The following TTI1 variants were observed in gnomAD, a reference collection of about 807,000 sequenced individuals.
The protein encoded by TTI1 is TELO2 interacting protein 1, also known as TELO2-interacting protein 1 homolog.
A neutral mutation model predicts 85.4 loss-of-function variants in TTI1; 52 were observed. The ratio of observed to expected loss-of-function variants is 0.61; its 90% confidence interval spans 0.49 to 0.77. The LOEUF (loss-of-function observed/expected upper bound fraction) is 0.77. Among genes scored for constraint, TTI1 ranks in the 30% least tolerant of loss-of-function variants. TTI1 has a pLI of 0.00. For synonymous variants in TTI1, 512 were observed against 503.9 expected (o/e 1.02, Z -0.22); for missense variants, 1,173 against 1,296.0 (o/e 0.91, Z 1.46).
chr20:38,012,294 A>G lies in TTI1; in HGVS notation c.1523T>C (p.Phe508Ser), dbSNP rs1382759317. ...CACAGATTGATGGTAAAGTTCCATAAAGTGATCCACAAGCAAATAAAGATT... is the reference window on the plus strand; with the variant it reads ...CACAGATTGATGGTAAAGTTCCATAGAGTGATCCACAAGCAAATAAAGATT... ...YGNLYLLVDH[F>S]MELYHQSVVY... Residue 508 changes from phenylalanine (F) to serine (S), a missense_variant, in exon 2 of 8, where the codon TTT (phenylalanine) becomes TCT (serine). Physicochemically the swap from Phe to Ser is radical, Grantham distance 155 (BLOSUM62 -2). Coordinates refer to ENST00000373447, the MANE Select transcript of TTI1 (RefSeq NM_001303457.2). 6.2e-7 allele frequency: 1 copy of G among 1,614,108 alleles called. No individual in the cohort carries two copies. The highest frequency in any genetic ancestry group is 8.5e-7 in the Non-Finnish European group (1 of 1,180,054).
Position 38,013,271 on chromosome 20 carries a change from G to A in TTI1, c.546C>T (p.Leu182=). The A allele has an allele frequency of 1.2e-6, 2 of 1,614,060 alleles. No homozygotes were observed. Among genetic ancestry groups the A allele is most frequent in the Non-Finnish European group, 1.7e-6 (2 of 1,180,040 alleles). Residue 182 remains leucine (L), a synonymous_variant, in exon 2 of 8, where the codon CTC becomes CTT. Coordinates refer to ENST00000373447, the MANE Select transcript of TTI1 (RefSeq NM_001303457.2). ...GATGGTCCTGACAATCACACTGCAA[G>A]AGTAGAACCTGTAAACATTTTAAGG... ...IAALKCLQVL[L]LQCDCQDHPR...
chr20:38,016,519 G>A (rs1388232212), intron 1 of TTI1, among the ~76,000 whole-genome samples: 1 of 152,238 alleles, frequency 6.6e-6, no homozygotes, highest in Non-Finnish European at 1.5e-5. Flanking sequence ...TACACAGTAT[G>A]TCTAACATTG....
intron 1 of TTI1, among the ~76,000 whole-genome samples, chr20:38,024,645 C>T (rs559243317): frequency 2.0e-5 from 3 of 152,282 alleles, no homozygotes; most frequent in Admixed American, 2.0e-4. Flanking sequence ...ACGCTCTACT[C>T]CAGCCAAACA....
chr20:37,993,964 A>G (rs182353629), intron 7 of TTI1, among the ~76,000 whole-genome samples: 81 of 152,222 alleles, frequency 5.3e-4, no homozygotes, highest in Non-Finnish European at 8.4e-4. Flanking sequence ...GGCCTGGCCT[A>G]GTGGTTTGGA....
intron 3 of TTI1, chr20:38,005,699 T>C (rs1376104607): frequency 1.3e-5 from 2 of 152,830 alleles, no homozygotes; most frequent in Non-Finnish European, 2.9e-5. Context: ...ACAACCTTTT[T>C]GAAAGGCAAT....
chr20:38,008,053 C>G (rs527984894), intron 2 of TTI1, among the ~76,000 whole-genome samples: 1 of 152,200 alleles, frequency 6.6e-6, no homozygotes, highest in African/African-American at 2.4e-5. Flanking sequence ...CTCAATCTCA[C>G]GTTTAATGCA....
At chr20:37,990,556 A>G (rs1206474730) in intron 7 of TTI1, among the ~76,000 whole-genome samples, 4 of 152,242 alleles carry the variant, frequency 2.6e-5, no homozygotes, top group African/African-American at 9.6e-5. Flanking sequence ...AAGAGACCCA[A>G]TAAAAATCTT....
intron 7 of TTI1, among the ~76,000 whole-genome samples, chr20:37,986,570 T>C (rs922239128): frequency 3.3e-5 from 5 of 152,232 alleles, no homozygotes; most frequent in East Asian, 3.9e-4. Context: ...TGCACGTTCC[T>C]TCTCCCACCT....
At chr20:37,987,573 T>A in intron 7 of TTI1, 1 of 357,320 alleles carries the variant, frequency 2.8e-6, no homozygotes, top group Non-Finnish European at 5.5e-6. Context: ...GTCCCCAGAG[T>A]ATCGGGAGGC....
At chr20:37,993,536 C>T (rs951167397) in intron 7 of TTI1, among the ~76,000 whole-genome samples, 1 of 152,138 alleles carries the variant, frequency 6.6e-6, no homozygotes, top group Non-Finnish European at 1.5e-5. Flanking sequence ...TGCCTCCACC[C>T]CAACTCGATG....
At chr20:37,990,148 C>A (rs570268647) in intron 7 of TTI1, among the ~76,000 whole-genome samples, 25 of 152,316 alleles carry the variant, frequency 1.6e-4, no homozygotes, top group African/African-American at 5.3e-4. Flanking sequence ...TCTATATTAA[C>A]CTCAACTCGG....
In TTI1 at chr20:38,013,731, T is replaced by C. The variant is rs760457271; in HGVS notation, c.86A>G (p.Asn29Ser). ...VQLTKTQTVENVEHLQTRLQA... is the reference protein window; with the variant it reads ...VQLTKTQTVESVEHLQTRLQA... ...TAGTCGTGTCTGCAGATGCTCCACA[T>C]TCTCCACTGTCTGGGTCTTTGTGAG... Residue 29 changes from asparagine (N) to serine (S), a missense_variant, in exon 2 of 8, where the codon AAT becomes AGT. Transcript: ENST00000373447. 1.9e-6 allele frequency: 3 copies of C among 1,614,044 alleles called. No homozygotes were observed. The highest frequency in any genetic ancestry group is 3.3e-5 in the Admixed American group (2 of 60,006).
intron 1 of TTI1, among the ~76,000 whole-genome samples, chr20:38,024,876 T>C (rs1294426393): frequency 2.0e-5 from 3 of 152,010 alleles, no homozygotes; most frequent in East Asian, 3.9e-4. Context: ...AGTAATGAGG[T>C]AGCATCACAG....
At chr20:38,019,627 C>CA (rs546723828) in intron 1 of TTI1, among the ~76,000 whole-genome samples, 45 of 148,160 alleles carry the variant, frequency 3.0e-4, no homozygotes, top group African/African-American at 5.0e-4. Context: ...GGCAAAAATG[C>CA]AAAAAAAAAG....
At chr20:37,990,593 A>C (rs1272516346) in intron 7 of TTI1, among the ~76,000 whole-genome samples, 1 of 152,218 alleles carries the variant, frequency 6.6e-6, no homozygotes, top group African/African-American at 2.4e-5. Context: ...CAATAAGACA[A>C]ATAGAGATCA....
Position 38,006,305 on chromosome 20 carries a change from G to C in TTI1, c.2395C>G (p.Leu799Val). 8 of 1,614,166 alleles carry C rather than the reference G, an allele frequency of 5.0e-6. No homozygotes were observed. The highest frequency in any genetic ancestry group is 6.8e-6 in the Non-Finnish European group (8 of 1,180,032). The change falls in exon 3 of 8, where the codon CTT becomes GTT. Residue 799 changes from leucine to valine, a missense_variant. Physicochemically the swap from Leu to Val is conservative, Grantham distance 32 (BLOSUM62 1). Coordinates refer to ENST00000373447, the MANE Select transcript of TTI1 (RefSeq NM_001303457.2). Reference sequence around the variant, plus strand: ...TCAGCTGTGGTGGTGCTCTTCTCAAGAGCTGCTGGTCTTTGGTTCAAATGA... The same window carrying C: ...TCAGCTGTGGTGGTGCTCTTCTCAACAGCTGCTGGTCTTTGGTTCAAATGA... ...GSHLNQRPAA[L>V]EKSTTTAEDI...
rs1240053859 is a variant in TTI1 at position 38,012,462 on chromosome 20, T to C, written c.1355A>G (p.Asn452Ser). The C allele has an allele frequency of 6.2e-7, 1 of 1,614,154 alleles. No homozygotes were observed. The highest frequency in any genetic ancestry group is 1.7e-5 in the Admixed American group (1 of 60,020). ...DIKIVEERRW[N>S]SDDLNASPKT... ...TGGAGAAGCATTCAGATCATCAGAG[T>C]TCCAACGCCGTTCCTCAACAATCTT... Residue 452 changes from asparagine to serine, a missense_variant, in exon 2 of 8, where the codon AAC becomes AGC. Physicochemically the swap from Asn to Ser is conservative, Grantham distance 46. Transcript: ENST00000373447.
At chr20:38,011,173 T>A (rs1010130085) in intron 2 of TTI1, among the ~76,000 whole-genome samples, 2 of 152,208 alleles carry the variant, frequency 1.3e-5, no homozygotes, top group Non-Finnish European at 2.9e-5. Context: ...AGAACAAAAC[T>A]GTCATAAATC....
intron 7 of TTI1, among the ~76,000 whole-genome samples, chr20:37,991,732 T>G (rs564666868): frequency 6.6e-6 from 1 of 152,314 alleles, no homozygotes; most frequent in East Asian, 1.9e-4. Context: ...TTTGGGAAAT[T>G]TACATACATG....
Sources: allele counts gnomAD v4.1 joint callset (sites outside exome capture counted in the v4.1 genomes callset), GRCh38; gene constraint gnomAD v4.1.1; transcripts MANE v1.5; gene names NCBI Gene and HGNC (gene_info 2026-07-23, HGNC 2026-07-21).